INPP5B: variants seen among roughly 807,000 people sequenced by gnomAD.
The protein encoded by INPP5B is type II inositol 1,4,5-trisphosphate 5-phosphatase.
INPP5B carries 90 observed loss-of-function variants against 118.5 expected under a neutral mutation model. The observed-to-expected ratio is 0.76, with a 90% CI of 0.64 to 0.90. The LOEUF (loss-of-function observed/expected upper bound fraction) is 0.90, where lower values mean the gene tolerates loss of function less well. INPP5B is among the 40% of genes least tolerant of loss of function. The pLI is 0.00. For missense variants in INPP5B, 984 were observed against 1,125.6 expected, an observed-to-expected ratio of 0.87 and a Z score of 1.80; for synonymous variants, 385 against 418.9, an observed-to-expected ratio of 0.92 and a Z score of 0.99.
intron 6 of INPP5B, among the ~76,000 whole-genome samples, chr1:37,933,410 T>C (rs1184448282): frequency 1.3e-5 from 2 of 152,002 alleles, no homozygotes. Context: ...TAGCTGGCCA[T>C]GGTGGCATGC....
chr1:37,932,964 A>G (rs1375230852), intron 6 of INPP5B, among the ~76,000 whole-genome samples: 1 of 152,166 alleles, frequency 6.6e-6, no homozygotes, highest in African/African-American at 2.4e-5. Context: ...CCTCTGACTC[A>G]AACTATCTGA....
intron 7 of INPP5B, among the ~76,000 whole-genome samples, chr1:37,926,978 G>A (rs1336889407): frequency 6.6e-6 from 1 of 152,042 alleles, no homozygotes; most frequent in Non-Finnish European, 1.5e-5. Context: ...GAAAAAAAAA[G>A]AAAAGAAAAA....
chr1:37,866,609 T>G, intron 20 of INPP5B, 66 bp from the exon 21 acceptor site: 1 of 958,166 alleles, frequency 1.0e-6, no homozygotes, highest in Admixed American at 1.8e-5. Flanking sequence ...TTTCCTGACC[T>G]GGCAATATCA....
At chr1:37,865,260 T>C (rs1006231180) in intron 22 of INPP5B, among the ~76,000 whole-genome samples, 1 of 152,160 alleles carries the variant, frequency 6.6e-6, no homozygotes, top group Non-Finnish European at 1.5e-5. Context: ...TTCTAGATTA[T>C]TCTGCCAAGG....
At chr1:37,933,659 GC>G (rs1175738452) in intron 6 of INPP5B, among the ~76,000 whole-genome samples, 1 of 151,892 alleles carries the variant, frequency 6.6e-6, no homozygotes, top group Non-Finnish European at 1.5e-5. Context: ...GGTGGAGGTT[GC>G]AGTGAGCCAA....
chr1:37,896,392 C>T (rs548589654), intron 7 of INPP5B, among the ~76,000 whole-genome samples: 12,518 of 149,586 alleles, frequency 0.084, 237 homozygotes, highest in Middle Eastern at 0.2. Context: ...AGCGTCTCCG[C>T]CCGGCAGCCA....
chr1:37,886,936 G>A lies in INPP5B; in HGVS notation c.1083C>T (p.Ile361=). 1 of 1,614,126 alleles carries A rather than the reference G, an allele frequency of 6.2e-7. No homozygotes were observed. Among genetic ancestry groups the A allele is most frequent in the Non-Finnish European group, 8.5e-7 (1 of 1,180,012 alleles). Residue 361 remains isoleucine (I), a synonymous_variant, in exon 12 of 24, where the codon ATC becomes ATT. Transcript: ENST00000373024. Reference sequence around the variant, plus strand: ...CCACAGTCTCGGCTTCCACTTCTGAGATATAAGCTGCATGCTCCTGTTTGA... The same window carrying A: ...CCACAGTCTCGGCTTCCACTTCTGAAATATAAGCTGCATGCTCCTGTTTGA... ...LYVKQEHAAY[I]SEVEAETVGT... is the part of the protein sequence containing the mutation.
At chr1:37,867,729 C>T (rs1044117473) in intron 20 of INPP5B, among the ~76,000 whole-genome samples, 1 of 152,114 alleles carries the variant, frequency 6.6e-6, no homozygotes, top group Non-Finnish European at 1.5e-5. Flanking sequence ...CCTATATAAA[C>T]AGGTCAGTGA....
intron 7 of INPP5B, among the ~76,000 whole-genome samples, chr1:37,895,647 C>T (rs938497326): frequency 6.6e-6 from 1 of 152,100 alleles, no homozygotes; most frequent in Admixed American, 6.5e-5. Context: ...CGAGTGCCTG[C>T]GATTGCAGGC....
chr1:37,942,911 A>AAG (rs376627170), intron 5 of INPP5B, among the ~76,000 whole-genome samples: 1,852 of 147,076 alleles, frequency 0.013, 44 homozygotes, highest in African/African-American at 0.043. Context: ...TCTGTCAAGA[A>AAG]AGAGAGAGAG....
rs755734420 is a variant in INPP5B at position 37,866,443 on chromosome 1, A to ACACACACACAC, written c.2386+15_2386+16insGTGTGTGTGTG. 1.2e-5 allele frequency: 13 copies of ACACACACACAC among 1,091,272 alleles called. No individual in the cohort carries two copies. The African/African-American group carries it at 2.3e-4, about 19-fold the overall frequency. 67.6% of individuals were successfully genotyped at this position (1,091,272 alleles called of 1,614,324 possible). On this transcript the variant is annotated intron_variant, in intron 21 of 23. Coordinates refer to ENST00000373024, the MANE Select transcript of INPP5B (RefSeq NM_005540.3). Reference sequence around the variant, plus strand: ...ACACACACACACACACACAGAGCTGAATGTCTGAAGGATACAGAGGTTATC... The same window carrying ACACACACACAC: ...ACACACACACACACACACAGAGCTGACACACACACACATGTCTGAAGGATACAGAGGTTATC...
At chr1:37,896,599 G>A (rs1644089973) in intron 7 of INPP5B, among the ~76,000 whole-genome samples, 1 of 145,008 alleles carries the variant, frequency 6.9e-6, no homozygotes, top group Non-Finnish European at 1.5e-5. Context: ...GAAGGAGGTG[G>A]GGGGGTCAGC....
chr1:37,863,541 A>T (rs993063231), intron 23 of INPP5B, among the ~76,000 whole-genome samples: 1 of 149,720 alleles, frequency 6.7e-6, no homozygotes, highest in Non-Finnish European at 1.5e-5. Context: ...TTAAATTAAA[A>T]AGCTGGGCAT....
At chr1:37,863,066 G>A (rs185105924) in intron 23 of INPP5B, among the ~76,000 whole-genome samples, 3 of 152,306 alleles carry the variant, frequency 2.0e-5, no homozygotes, top group Non-Finnish European at 4.4e-5. Context: ...TTCCATGAGC[G>A]TGGTAGGGAT....
At chr1:37,896,073 C>A (rs1644039430) in intron 7 of INPP5B, among the ~76,000 whole-genome samples, 1 of 150,944 alleles carries the variant, frequency 6.6e-6, no homozygotes, top group Admixed American at 6.6e-5. Context: ...GTGAGGAGCG[C>A]CTCTTCCCGG....
intron 7 of INPP5B, among the ~76,000 whole-genome samples, chr1:37,897,575 T>C (rs1453748075): frequency 6.7e-6 from 1 of 150,262 alleles, no homozygotes; most frequent in Non-Finnish European, 1.5e-5. Context: ...TAATCTCAAG[T>C]ACCCAGGGAC....
chr1:37,876,161 T>C (rs771995999), intron 16 of INPP5B, among the ~76,000 whole-genome samples: 2 of 149,546 alleles, frequency 1.3e-5, no homozygotes, highest in African/African-American at 2.5e-5. Context: ...TGGAGTACAA[T>C]AGAGTGATCT....
chr1:37,864,005 G>A (rs1417175121), intron 23 of INPP5B, among the ~76,000 whole-genome samples: 3 of 151,552 alleles, frequency 2.0e-5, no homozygotes, highest in African/African-American at 7.3e-5. Context: ...AGTAGAGATG[G>A]GGTTTCACCA....
chr1:37,900,837 GTCTC>G (rs1329110061), intron 7 of INPP5B, among the ~76,000 whole-genome samples: 1 of 150,310 alleles, frequency 6.7e-6, no homozygotes, highest in Admixed American at 6.6e-5. Context: ...TTGAGACAGA[GTCTC>G]TCTCTTGTCA....
Sources: gnomAD v4.1 joint callset for allele counts (sites outside exome capture counted in the v4.1 genomes callset) on GRCh38, gnomAD v4.1.1 for gene constraint, MANE v1.5 for transcripts, NCBI Gene and HGNC (gene_info 2026-07-23, HGNC 2026-07-21) for gene names.